Variants in NCOA2 observed in about 807,000 individuals in gnomAD.
NCOA2 encodes class E basic helix-loop-helix protein 75.
In NCOA2, 21 loss-of-function variants were observed where a neutral mutation model predicts 145.1. That is an observed-to-expected ratio of 0.14 (90% confidence interval 0.10 to 0.21). NCOA2 has a LOEUF of 0.21. Among genes scored for constraint, NCOA2 ranks in the 10% least tolerant of loss-of-function variants. The pLI, the probability that NCOA2 is intolerant of heterozygous loss-of-function variation, is 1.00. For missense variants in NCOA2, 1,472 were observed against 1,837.6 expected (o/e 0.80, Z 3.64); for synonymous variants, 619 against 637.5 (o/e 0.97, Z 0.44).
At chr8:70,362,558 T>C (rs146831904) in intron 1 of NCOA2, among the ~76,000 whole-genome samples, 18 of 152,302 alleles carry the variant, frequency 1.2e-4, no homozygotes, top group Admixed American at 4.6e-4. Context: ...AAAAGCATGC[T>C]GAATATCATT....
chr8:70,245,810 G>T (rs1378972609), intron 2 of NCOA2, among the ~76,000 whole-genome samples: 1 of 152,060 alleles, frequency 6.6e-6, no homozygotes, highest in African/African-American at 2.4e-5. Flanking sequence ...GCAGTTAAAA[G>T]CAAATATATA....
Position 70,144,666 on chromosome 8 carries a change from C to T in NCOA2, c.2788G>A (p.Gly930Arg). Residue 930 changes from glycine to arginine, a missense_variant, in exon 13 of 23, where the codon GGA (glycine) becomes AGA (arginine). Physicochemically the swap from Gly to Arg is moderately radical, Grantham distance 125. This residue lies in a region of NCOA2 where 953 missense variants were observed against 1,062.1 expected (regional missense o/e 0.90). Coordinates refer to ENST00000452400, the MANE Select transcript of NCOA2 (RefSeq NM_006540.4). Reference sequence around the variant, plus strand: ...CCTGTGCTACTGTTCCCTAAATTTCCTTGGTTTCCTATCATCCCTTGATTA... The same window carrying T: ...CCTGTGCTACTGTTCCCTAAATTTCTTTGGTTTCCTATCATCCCTTGATTA... ...MGNQGMIGNQGNLGNSSTGMI... is the reference protein window; with the variant it reads ...MGNQGMIGNQRNLGNSSTGMI... The T allele has an allele frequency of 1.2e-6, 2 of 1,613,880 alleles. No homozygotes were observed. Among genetic ancestry groups the T allele is most frequent in the Non-Finnish European group, 1.7e-6 (2 of 1,179,842 alleles).
intron 1 of NCOA2, among the ~76,000 whole-genome samples, chr8:70,402,789 G>GGCCCCA (rs1254723954): frequency 1.1e-4 from 15 of 139,442 alleles, no homozygotes; most frequent in Non-Finnish European, 2.2e-4. Flanking sequence ...CCCCGGCCCC[G>GGCCCCA]GCCCCAGCGC....
At chr8:70,215,552 G>A (rs1819526113) in intron 3 of NCOA2, among the ~76,000 whole-genome samples, 1 of 152,106 alleles carries the variant, frequency 6.6e-6, no homozygotes, top group Non-Finnish European at 1.5e-5. Flanking sequence ...AGGGGAAAAG[G>A]GAATATAAAA....
chr8:70,309,296 A>G (rs896077088), intron 1 of NCOA2, among the ~76,000 whole-genome samples: 2 of 152,038 alleles, frequency 1.3e-5, no homozygotes, highest in South Asian at 4.2e-4. Context: ...TTAATAATAA[A>G]TTATTGTTTT....
intron 1 of NCOA2, among the ~76,000 whole-genome samples, chr8:70,302,651 T>C (rs922446781): frequency 1.3e-5 from 2 of 152,238 alleles, no homozygotes; most frequent in South Asian, 2.1e-4. Flanking sequence ...GATAAATTTT[T>C]AGGTTAATAA....
intron 9 of NCOA2, among the ~76,000 whole-genome samples, chr8:70,159,933 A>G (rs1038147135): frequency 1.3e-5 from 2 of 152,224 alleles, no homozygotes; most frequent in African/African-American, 4.8e-5. Flanking sequence ...CTTTATTATT[A>G]TGGCAAAACA....
chr8:70,274,712 G>A (rs535371302), intron 2 of NCOA2, among the ~76,000 whole-genome samples: 8 of 152,146 alleles, frequency 5.3e-5, no homozygotes, highest in East Asian at 1.9e-4. Context: ...AAATAACTCC[G>A]AAAGATACTG....
intron 2 of NCOA2, among the ~76,000 whole-genome samples, chr8:70,267,835 T>TA (rs1480245835): frequency 6.6e-6 from 1 of 152,226 alleles, no homozygotes; most frequent in African/African-American, 2.4e-5. Context: ...ATAACCTTGC[T>TA]AAAAGCACCA....
At chr8:70,324,962 T>G (rs1806423905) in intron 1 of NCOA2, among the ~76,000 whole-genome samples, 1 of 152,248 alleles carries the variant, frequency 6.6e-6, no homozygotes, top group Admixed American at 6.5e-5. Context: ...TCTACCCCCA[T>G]GAAGTAACTT....
chr8:70,216,641 T>G lies in NCOA2; in HGVS notation c.86+19A>C. The G allele has an allele frequency of 6.3e-7, 1 of 1,588,354 alleles. No homozygotes were observed. The highest frequency in any genetic ancestry group is 8.6e-7 in the Non-Finnish European group (1 of 1,156,586). Reference sequence around the variant, plus strand: ...CTTTAACAGACAATACTGATTCCTTTTCTCAGCAAGAATCTAACCTGGGTC... The same window carrying G: ...CTTTAACAGACAATACTGATTCCTTGTCTCAGCAAGAATCTAACCTGGGTC... On this transcript the variant is annotated intron_variant, in intron 3 of 22. Transcript: ENST00000452400.
At chr8:70,420,458 C>G in the NCOA2 span, among the ~76,000 whole-genome samples, 2 of 152,190 alleles carry the variant, frequency 1.3e-5, no homozygotes, top group Non-Finnish European at 2.9e-5. Context: ...AGGCTGAGAA[C>G]TACTATGCTA....
chr8:70,149,536 TG>T (rs1301476490), intron 11 of NCOA2, among the ~76,000 whole-genome samples: 2 of 151,462 alleles, frequency 1.3e-5, no homozygotes, highest in African/African-American at 4.9e-5. Flanking sequence ...CCACCGTGCC[TG>T]TCTACAGAAG....
At chr8:70,202,628 G>C (rs1371903678) in intron 4 of NCOA2, among the ~76,000 whole-genome samples, 1 of 152,136 alleles carries the variant, frequency 6.6e-6, no homozygotes, top group Non-Finnish European at 1.5e-5. Context: ...ATTCATATAA[G>C]GTATCCGAAG....
At chr8:70,251,793 A>G (rs1437852526) in intron 2 of NCOA2, among the ~76,000 whole-genome samples, 1 of 152,244 alleles carries the variant, frequency 6.6e-6, no homozygotes, top group Non-Finnish European at 1.5e-5. Context: ...AGGGGCTAAA[A>G]AGAATGTGAG....
At chr8:70,254,594 C>T (rs1447162042) in intron 2 of NCOA2, among the ~76,000 whole-genome samples, 3 of 150,324 alleles carry the variant, frequency 2.0e-5, no homozygotes, top group African/African-American at 7.4e-5. Flanking sequence ...GTGAAATAAG[C>T]CAGTCACAAA....
rs61028027 is a variant in NCOA2 at position 70,314,180 on chromosome 8, C to CAAAAAAAAAA, written c.-76-17390_-76-17381dup. Among the ~76,000 whole-genome samples the CAAAAAAAAAA allele has an allele frequency of 4.6e-3, 79 of 17,194 alleles. 14 individuals are homozygous for CAAAAAAAAAA. In the East Asian group the frequency reaches 0.061, roughly 13 times the overall value. 11.3% of individuals were successfully genotyped at this position (17,194 alleles called of 152,430 possible). A position where few individuals can be genotyped will look rare whatever the true frequency, so the allele number is the denominator to read the frequency against. On this transcript the variant is annotated intron_variant, in intron 1 of 22. Transcript: ENST00000452400. ...GGGCGACAGAGCAAGACTCTGACTC[C>CAAAAAAAAAA]AAAAAAAAAAAAAAAAAAAAAAAAA...
chr8:70,216,662 G>C lies in NCOA2; in HGVS notation c.84C>G (p.Pro28=), dbSNP rs767955743. Residue 28 remains proline (P), a splice_region_variant and synonymous_variant, in exon 3 of 23, where the codon CCC becomes CCG. Transcript: ENST00000452400. ...KRKECPDQLG[P]SPKRNTEKRN... is the part of the protein sequence containing the mutation. ...CCTTTTCTCAGCAAGAATCTAACCT[G>C]GGTCCAAGTTGGTCAGGACATTCCT... 5.0e-6 allele frequency: 8 copies of C among 1,609,978 alleles called. No homozygotes were observed. Among genetic ancestry groups the C allele is most frequent in the Non-Finnish European group, 6.8e-6 (8 of 1,176,248 alleles).
At chr8:70,161,137 T>C (rs1812954740) in intron 9 of NCOA2, among the ~76,000 whole-genome samples, 1 of 152,230 alleles carries the variant, frequency 6.6e-6, no homozygotes, top group Non-Finnish European at 1.5e-5. Flanking sequence ...TAACTGATCA[T>C]TCCTGATCTT....
Sources: gnomAD v4.1 joint callset for allele counts (sites outside exome capture counted in the v4.1 genomes callset) on GRCh38, gnomAD v4.1.1 for gene constraint, gnomAD v4.1.1 regional missense constraint, MANE v1.5 for transcripts, NCBI Gene and HGNC (gene_info 2026-07-23, HGNC 2026-07-21) for gene names.